Variants in MCC observed in about 807,000 individuals in gnomAD.
The protein encoded by MCC is colorectal mutant cancer protein.
Under a neutral mutation model 116.2 loss-of-function variants are expected in MCC, and 90 were observed. The ratio of observed to expected loss-of-function variants is 0.77; its 90% CI spans 0.65 to 0.92. The LOEUF is 0.92. Ranked by LOEUF, MCC falls within the 40% of genes least tolerant of loss-of-function variation. The probability of loss-of-function intolerance (pLI) is 0.00; values close to 1 mark genes in which losing one functional copy is unlikely to be tolerated. For synonymous variants in MCC, 578 were observed against 510.5 expected (o/e 1.13, Z -1.78); for missense variants, 1,516 against 1,312.2 (o/e 1.16, Z -2.40).
chr5:113,139,925 G>C (rs191519336), intron 5 of MCC, among the ~76,000 whole-genome samples: 93 of 152,058 alleles, frequency 6.1e-4, no homozygotes, highest in Middle Eastern at 3.4e-3. Flanking sequence ...TTGACAAGTG[G>C]GATCTAATGA....
intron 3 of MCC, among the ~76,000 whole-genome samples, chr5:113,285,712 T>G (rs1766228583): frequency 6.6e-6 from 1 of 152,180 alleles, no homozygotes; most frequent in African/African-American, 2.4e-5. Flanking sequence ...CCCCATTTCA[T>G]TCCCTGAGAG....
chr5:113,147,507 T>C (rs1232378482), intron 4 of MCC, among the ~76,000 whole-genome samples: 2 of 152,192 alleles, frequency 1.3e-5, no homozygotes, highest in Non-Finnish European at 2.9e-5. Flanking sequence ...TCTTGGAAAA[T>C]GCAATGCCAT....
At chr5:113,212,202 A>G (rs1763159973) in intron 3 of MCC, among the ~76,000 whole-genome samples, 1 of 152,236 alleles carries the variant, frequency 6.6e-6, no homozygotes, top group African/African-American at 2.4e-5. Context: ...TATATAACCA[A>G]TCTTTATCAA....
chr5:113,056,741 AT>A (rs1752863155), intron 14 of MCC, among the ~76,000 whole-genome samples: 1 of 152,166 alleles, frequency 6.6e-6, no homozygotes, highest in African/African-American at 2.4e-5. Context: ...TAAAAAAAAA[AT>A]AGAAATGTTT....
chr5:113,188,237 C>A (rs542484722), intron 3 of MCC, among the ~76,000 whole-genome samples: 1 of 152,312 alleles, frequency 6.6e-6, no homozygotes, highest in East Asian at 1.9e-4. Context: ...ACAAATTCAT[C>A]ACAACCATGA....
chr5:113,126,116 T>G (rs1758035452), intron 5 of MCC, among the ~76,000 whole-genome samples: 4 of 152,196 alleles, frequency 2.6e-5, no homozygotes, highest in Admixed American at 2.6e-4. Context: ...TGCATATTCT[T>G]TCATTCATGT....
chr5:113,457,150 G>C (rs948916820), intron 1 of MCC, among the ~76,000 whole-genome samples: 3 of 152,208 alleles, frequency 2.0e-5, no homozygotes, highest in Non-Finnish European at 4.4e-5. Context: ...TGGAGGGAGA[G>C]GCGGGAGCGG....
chr5:113,332,202 A>G (rs1045623832), intron 3 of MCC, among the ~76,000 whole-genome samples: 1 of 151,218 alleles, frequency 6.6e-6, no homozygotes, highest in African/African-American at 2.5e-5. Flanking sequence ...ATTTTTTGAG[A>G]CAATGTCTTG....
chr5:113,108,357 A>G (rs1328874838), intron 6 of MCC, among the ~76,000 whole-genome samples: 6 of 142,766 alleles, frequency 4.2e-5, no homozygotes, highest in African/African-American at 1.1e-4. Flanking sequence ...AAAAAAAAAA[A>G]AAAAGAAAGG....
rs977950169 is a variant in MCC at position 113,307,981 on chromosome 5, T to C, written c.627+32538A>G. On this transcript the variant is annotated intron_variant, in intron 3 of 18. Transcript: ENST00000408903. ...CATTTGCCTGTCTAAATCCTTTTTT[T>C]TTTTTTCTAAAGACAGAGTGTTGCT... Among the ~76,000 whole-genome samples the C allele has an allele frequency of 2.6e-5, 4 of 152,146 alleles. No individual in the cohort carries two copies. In the East Asian group the frequency reaches 7.7e-4, roughly 29 times the overall value.
intron 11 of MCC, among the ~76,000 whole-genome samples, chr5:113,076,924 G>C (rs561802187): frequency 1.9e-4 from 29 of 152,298 alleles, no homozygotes; most frequent in African/African-American, 6.3e-4. Context: ...CTCACGAGCA[G>C]AGACACACAT....
chr5:113,320,990 C>T (rs776409575), intron 3 of MCC, among the ~76,000 whole-genome samples: 11 of 152,258 alleles, frequency 7.2e-5, no homozygotes, highest in Middle Eastern at 3.4e-3. Flanking sequence ...TTCTAATTTT[C>T]TAAAGGTACA....
chr5:113,218,829 C>T (rs1763428709), intron 3 of MCC, among the ~76,000 whole-genome samples: 1 of 151,326 alleles, frequency 6.6e-6, no homozygotes, highest in Non-Finnish European at 1.5e-5. Context: ...TAGTTACTTT[C>T]AAAATAAAAG....
intron 1 of MCC, 150 bp downstream of exon 1, chr5:113,488,095 C>G (rs1299749947): frequency 2.6e-6 from 2 of 782,396 alleles, no homozygotes; most frequent in Non-Finnish European, 3.8e-6. Flanking sequence ...GTGGCCGAGC[C>G]GGCTACGCGC....
At chr5:113,044,859 C>CACAAAGTGCTGGTGAT (rs1751966410) in intron 16 of MCC, among the ~76,000 whole-genome samples, 1 of 152,216 alleles carries the variant, frequency 6.6e-6, no homozygotes, top group Non-Finnish European at 1.5e-5. Context: ...CAGGCGTGAG[C>CACAAAGTGCTGGTGAT]CACCGCACCT....
At chr5:113,472,304 G>A (rs1471650264) in intron 1 of MCC, among the ~76,000 whole-genome samples, 1 of 152,128 alleles carries the variant, frequency 6.6e-6, no homozygotes, top group Non-Finnish European at 1.5e-5. Flanking sequence ...CATCTTCTGT[G>A]TGGCCATTCT....
At chr5:113,136,469 C>CT (rs1470790708) in intron 5 of MCC, among the ~76,000 whole-genome samples, 2 of 152,018 alleles carry the variant, frequency 1.3e-5, no homozygotes, top group Admixed American at 1.3e-4. Context: ...TTTGAGTAAT[C>CT]GTAGCTCTCC....
chr5:113,125,536 T>C (rs1000698007), intron 5 of MCC, among the ~76,000 whole-genome samples: 16 of 152,182 alleles, frequency 1.1e-4, no homozygotes, highest in African/African-American at 3.4e-4. Flanking sequence ...TTATCTCTCA[T>C]TGGCATCATT....
chr5:113,293,932 A>G (rs1766609885), intron 3 of MCC, among the ~76,000 whole-genome samples: 1 of 151,744 alleles, frequency 6.6e-6, no homozygotes, highest in African/African-American at 2.4e-5. Context: ...CACCACCCCC[A>G]CCAAATTAGT....
Sources: gnomAD v4.1 joint callset for allele counts (sites outside exome capture counted in the v4.1 genomes callset) on GRCh38, gnomAD v4.1.1 for gene constraint, MANE v1.5 for transcripts, NCBI Gene and HGNC (gene_info 2026-07-23, HGNC 2026-07-21) for gene names.